Variants in SP140 observed in about 807,000 individuals in gnomAD.
SP140 encodes the protein SP140 nuclear body protein.
SP140 carries 81 observed loss-of-function variants against 125.0 expected under a neutral mutation model. The ratio of observed to expected loss-of-function variants is 0.65; its 90% CI spans 0.54 to 0.78. The LOEUF (loss-of-function observed/expected upper bound fraction) is 0.78, where lower values mean the gene tolerates loss of function less well. Ranked by LOEUF, SP140 falls within the 30% of genes least tolerant of loss-of-function variation. SP140 has a pLI of 0.00. For missense variants in SP140, 858 were observed against 1,037.0 expected (o/e 0.83, Z 2.37); for synonymous variants, 312 against 354.0 (o/e 0.88, Z 1.33).
chr2:230,211,420 G>T lies in SP140; in HGVS notation c.-322-2234G>T. 8.5e-7 allele frequency: 1 copy of T among 1,183,018 alleles called. No individual in the cohort carries two copies. Among genetic ancestry groups the T allele is most frequent in the Non-Finnish European group, 1.3e-6 (1 of 786,518 alleles). The allele number at this position is 1,183,018 out of a possible 1,614,324, so 73.3% of individuals were successfully genotyped here. ...AAGATCCGAATGGCTTTTCCTCTTA[G>T]TAAACACAGAAACAAAGGCAAGCTT... On this transcript the variant is annotated intron_variant, in intron 1 of 4. Transcript: ENST00000456542. This position sits in a 1 kb window ranked among gnomAD's most constrained non-coding sequence, Gnocchi z 4.2.
chr2:230,219,527 T>A (rs1400876670), intron 3 of SP140: 1 of 152,202 alleles, frequency 6.6e-6, no homozygotes, highest in African/African-American at 2.4e-5. Context: ...TACTCTCATT[T>A]TTTTCTTTTC....
intron 1 of SP140, among the ~76,000 whole-genome samples, chr2:230,206,595 T>TTTCA (rs1317441117): frequency 1.4e-5 from 1 of 70,508 alleles, no homozygotes; most frequent in Non-Finnish European, 2.8e-5. Context: ...GGTCCAGATT[T>TTTCA]TATATATATA....
At chr2:230,295,358 C>T (rs1157776283) in intron 21 of SP140, among the ~76,000 whole-genome samples, 1 of 152,202 alleles carries the variant, frequency 6.6e-6, no homozygotes, top group African/African-American at 2.4e-5. Context: ...GCCACTGAGA[C>T]ATTTCATCCA....
At chr2:230,262,988 A>G (rs972440107) in intron 12 of SP140, among the ~76,000 whole-genome samples, 4 of 152,198 alleles carry the variant, frequency 2.6e-5, no homozygotes, top group Non-Finnish European at 5.9e-5. Flanking sequence ...GTTCCAAGGT[A>G]TAGTTTAAAC....
At chr2:230,313,877 A>C (rs1281463064), downstream of SP140, among the ~76,000 whole-genome samples, 1 of 152,216 alleles carries the variant, frequency 6.6e-6, no homozygotes, top group Non-Finnish European at 1.5e-5. Flanking sequence ...GCATTTAAGA[A>C]GTGAGGAAAA....
chr2:230,264,700 G>T (rs116015534), intron 12 of SP140, among the ~76,000 whole-genome samples: 1,804 of 152,250 alleles, frequency 0.012, 20 homozygotes, highest in Middle Eastern at 0.048. Context: ...TTTTTCTATG[G>T]ATGTGGCTTC....
At chr2:230,240,094 A>G (rs1462835006) in intron 3 of SP140, among the ~76,000 whole-genome samples, 2 of 152,212 alleles carry the variant, frequency 1.3e-5, no homozygotes, top group Non-Finnish European at 2.9e-5. Flanking sequence ...AGTAGAATGA[A>G]TTGTAAAAAG....
chr2:230,299,325 A>G (rs974852556), intron 22 of SP140, among the ~76,000 whole-genome samples: 1 of 152,250 alleles, frequency 6.6e-6, no homozygotes, highest in African/African-American at 2.4e-5. Flanking sequence ...GGAACCTGGA[A>G]ATCCAGATCA....
chr2:230,265,866 G>A (rs1408419130), intron 12 of SP140, among the ~76,000 whole-genome samples: 1 of 151,936 alleles, frequency 6.6e-6, no homozygotes, highest in African/African-American at 2.4e-5. Context: ...GGCTGGTCAC[G>A]AACCATGGCC....
chr2:230,278,007 G>C (rs1039841326), intron 15 of SP140, among the ~76,000 whole-genome samples: 1 of 152,036 alleles, frequency 6.6e-6, no homozygotes, highest in African/African-American at 2.4e-5. Flanking sequence ...CCCAAAGTGA[G>C]ATTTCTGGAT....
chr2:230,238,977 A>T, intron 3 of SP140: 1 of 1,504,456 alleles, frequency 6.6e-7, no homozygotes, highest in Non-Finnish European at 8.9e-7. Flanking sequence ...CTGGAGAAAG[A>T]AGTTGAAGTG....
chr2:230,256,421 G>A (rs1306373867), intron 12 of SP140, among the ~76,000 whole-genome samples: 1 of 151,266 alleles, frequency 6.6e-6, no homozygotes, highest in Non-Finnish European at 1.5e-5. Context: ...ACTATCACAA[G>A]GACAAAAAAC....
chr2:230,189,761 T>A, the SP140 span, among the ~76,000 whole-genome samples: 2 of 152,138 alleles, frequency 1.3e-5, no homozygotes, highest in African/African-American at 4.8e-5. Flanking sequence ...TTCTCAATGA[T>A]CAACTCCCAC....
chr2:230,288,518 T>TTTCTTTCTTTCTTTC (rs1553600262), intron 18 of SP140, among the ~76,000 whole-genome samples: 1,496 of 111,250 alleles, frequency 0.013, 29 homozygotes, highest in South Asian at 0.018. Flanking sequence ...TCTTTCTTTC[T>TTTCTTTCTTTCTTTC]TTCTTTTTTT....
At chr2:230,218,367 G>T (rs28733458) in intron 3 of SP140, among the ~76,000 whole-genome samples, 3 of 152,046 alleles carry the variant, frequency 2.0e-5, no homozygotes, top group East Asian at 1.9e-4. Flanking sequence ...AGAATAATCC[G>T]CAATCGCATA....
At chr2:230,222,808 T>C (rs1174681950), upstream of SP140, among the ~76,000 whole-genome samples, 1 of 151,418 alleles carries the variant, frequency 6.6e-6, no homozygotes, top group Non-Finnish European at 1.5e-5. Context: ...ATCTGCTTTC[T>C]ATCACCACAG....
In SP140 at chr2:230,211,927, G is replaced by C. The variant is rs1046909055; in HGVS notation, c.-322-1727G>C. Among the ~76,000 whole-genome samples the C allele has an allele frequency of 3.3e-5, 5 of 152,166 alleles. No individual in the cohort carries two copies. Among genetic ancestry groups the C allele is most frequent in the African/African-American group, 9.7e-5 (4 of 41,418 alleles). On this transcript the variant is annotated intron_variant, in intron 1 of 4. Coordinates refer to the SP140 transcript ENST00000456542. The surrounding 1 kb of genome is among the most constrained non-coding windows in gnomAD (Gnocchi z 4.2). ...GTTTAATGTAATCAAACTCCATTAT[G>C]ATGATGGTTTGGGGAGGACAAGTGA...
chr2:230,230,674 A>C (rs904312580), intron 1 of SP140: 1 of 152,182 alleles, frequency 6.6e-6, no homozygotes, highest in Non-Finnish European at 1.5e-5. Context: ...GTTAATTTAG[A>C]TTCCTCTCAC....
intron 17 of SP140, among the ~76,000 whole-genome samples, chr2:230,286,121 C>T (rs747659594): frequency 1.3e-5 from 2 of 152,126 alleles, no homozygotes; most frequent in Non-Finnish European, 2.9e-5. Flanking sequence ...ATGGCTGGAC[C>T]TGGTAAATTG....
Sources: allele counts gnomAD v4.1 joint callset (sites outside exome capture counted in the v4.1 genomes callset), GRCh38; gene constraint gnomAD v4.1.1; non-coding constraint Gnocchi (gnomAD v3.1); transcripts MANE v1.5; gene names NCBI Gene and HGNC (gene_info 2026-07-23, HGNC 2026-07-21).